VWF: variants seen among roughly 807,000 people sequenced by gnomAD.
VWF encodes von Willebrand factor, also known as Factor VIII related antigen.
VWF carries 176 observed loss-of-function variants against 308.6 expected under a neutral mutation model. The observed-to-expected ratio is 0.57, with a 90% CI of 0.50 to 0.65. The LOEUF (loss-of-function observed/expected upper bound fraction) is 0.65. Ranked by LOEUF, VWF falls within the 30% of genes least tolerant of loss-of-function variation. The pLI, the probability that VWF is intolerant of heterozygous loss-of-function variation, is 0.00. For missense variants in VWF, 3,146 were observed against 3,648.2 expected, an observed-to-expected ratio of 0.86 and a Z score of 3.55; for synonymous variants, 1,385 against 1,443.4, an observed-to-expected ratio of 0.96 and a Z score of 0.92.
chr12:6,022,025 C>T lies in VWF; in HGVS notation c.3549G>A (p.Leu1183=), dbSNP rs144447692. The change falls in exon 27 of 52, where the codon CTG becomes CTA. Residue 1183 remains leucine (L), a synonymous_variant. Transcript: ENST00000261405. ...CAACGCAGGTCTGCAAAAGCTCATCCAGGATTTTCCCTGCAAAAGAAAGCT... is the reference window on the plus strand; with the variant it reads ...CAACGCAGGTCTGCAAAAGCTCATCTAGGATTTTCCCTGCAAAAGAAAGCT... ...CHAHCPPGKI[L]DELLQTCVDP... The T allele has an allele frequency of 6.2e-7, 1 of 1,614,164 alleles. No homozygotes were observed. The highest frequency in any genetic ancestry group is 1.7e-5 in the Admixed American group (1 of 60,026).
intron 47 of VWF, among the ~76,000 whole-genome samples, chr12:5,964,629 G>C (rs1943378076): frequency 6.6e-6 from 1 of 152,068 alleles, no homozygotes; most frequent in Non-Finnish European, 1.5e-5. Context: ...CCAAGGTCAA[G>C]GTTAGGAGTC....
intron 8 of VWF, 27 bp from the exon 9 acceptor site, chr12:6,072,469 G>C (rs55907031): frequency 6.4e-6 from 10 of 1,571,194 alleles, no homozygotes; most frequent in South Asian, 2.2e-5. Flanking sequence ...CAAGACAAAG[G>C]CCTCAACATT....
chr12:5,981,013 C>T (rs1046516727), intron 42 of VWF, among the ~76,000 whole-genome samples: 1 of 152,180 alleles, frequency 6.6e-6, no homozygotes, highest in African/African-American at 2.4e-5. Context: ...CTGTACCATT[C>T]GTTGACACTT....
intron 51 of VWF, 143 bp from the exon 52 acceptor site, chr12:5,949,346 G>T: frequency 1.3e-6 from 1 of 792,030 alleles, no homozygotes; most frequent in Non-Finnish European, 2.1e-6. Flanking sequence ...AGGACAGCTA[G>T]GCAATTTGTA....
intron 34 of VWF, among the ~76,000 whole-genome samples, chr12:6,007,845 C>T (rs1943946745): frequency 6.6e-6 from 1 of 151,962 alleles, no homozygotes; most frequent in African/African-American, 2.4e-5. Context: ...TAAATAAAAT[C>T]AGAAATAGAA....
At chr12:6,124,259 G>A (rs959764265) in intron 1 of VWF, among the ~76,000 whole-genome samples, 162 bp downstream of exon 1, 2 of 152,194 alleles carry the variant, frequency 1.3e-5, no homozygotes, top group African/African-American at 2.4e-5. Context: ...GAGGCAAGTG[G>A]AGGAGGGAGT....
intron 9 of VWF, 136 bp downstream of exon 9, chr12:6,072,195 A>G: frequency 1.3e-6 from 1 of 743,124 alleles, no homozygotes. Context: ...AGCCCCCACC[A>G]GTAGCCTCCA....
In VWF at chr12:5,957,143, C is replaced by T. The variant is rs145921602; in HGVS notation, c.7888-3549G>A. Among the ~76,000 whole-genome samples, 427 of 152,324 alleles carry T rather than the reference C, an allele frequency of 2.8e-3. 2 individuals carry two copies. Among genetic ancestry groups the T allele is most frequent in the Admixed American group, 5.0e-3 (76 of 15,298 alleles). On this transcript the variant is annotated intron_variant, in intron 47 of 51. Coordinates refer to ENST00000261405, the MANE Select transcript of VWF (RefSeq NM_000552.5). Reference sequence around the variant, plus strand: ...GTATTCAGCACAGTAACATGCCATACAGGTTTGTCACCTGGGAGTAACAGG... The same window carrying T: ...GTATTCAGCACAGTAACATGCCATATAGGTTTGTCACCTGGGAGTAACAGG...
At chr12:6,051,864 C>T (rs1198715198) in intron 16 of VWF, among the ~76,000 whole-genome samples, 1 of 152,140 alleles carries the variant, frequency 6.6e-6, no homozygotes, top group Non-Finnish European at 1.5e-5. Flanking sequence ...CTCCCACTTC[C>T]ACCTCCCAAA....
intron 43 of VWF, among the ~76,000 whole-genome samples, chr12:5,972,215 G>C (rs7305616): frequency 0.016 from 2,443 of 152,182 alleles, 73 homozygotes; most frequent in African/African-American, 0.056. Flanking sequence ...TAATTTATAG[G>C]GTACGGTGTT....
intron 6 of VWF, among the ~76,000 whole-genome samples, chr12:6,091,749 C>A (rs992819004): frequency 1.1e-4 from 17 of 152,152 alleles, no homozygotes; most frequent in African/African-American, 3.6e-4. Context: ...TAAGAACCTG[C>A]AAAGCCCAAC....
intron 13 of VWF, among the ~76,000 whole-genome samples, chr12:6,061,750 C>T (rs910000582): frequency 7.2e-5 from 11 of 152,194 alleles, no homozygotes; most frequent in African/African-American, 2.2e-4. Context: ...AAGGGGTCTG[C>T]GAGACCAAAA....
At chr12:6,044,231 C>T in intron 18 of VWF, 60 bp downstream of exon 18, 1 of 1,604,844 alleles carries the variant, frequency 6.2e-7, no homozygotes, top group Non-Finnish European at 8.5e-7. Context: ...AGCCCCCTCA[C>T]TCATCCCTGC....
At position 6,013,639 on chromosome 12, in the gene VWF, G is replaced by A; in HGVS notation, c.5462C>T (p.Thr1821Ile). The A allele has an allele frequency of 4.3e-6, 7 of 1,613,008 alleles. No homozygotes were observed. The highest frequency in any genetic ancestry group is 5.9e-6 in the Non-Finnish European group (7 of 1,179,848). ...ATCTCCAATTCCAATAGGGAACACT[G>A]TCACTCCTAGAGTTAGCAAAGAGAC... ...AADAARSNRVTVFPIGIGDRY... is the reference protein window; with the variant it reads ...AADAARSNRVIVFPIGIGDRY... The change falls in exon 32 of 52, where the codon ACA (threonine) becomes ATA (isoleucine). Residue 1821 changes from threonine to isoleucine, a missense_variant. Thr to Ile is a moderately conservative substitution (Grantham distance 89). This residue lies in a region of VWF where 853 missense variants were observed against 1,177.8 expected (regional missense o/e 0.72). Coordinates refer to ENST00000261405, the MANE Select transcript of VWF (RefSeq NM_000552.5).
intron 6 of VWF, among the ~76,000 whole-genome samples, chr12:6,083,211 T>C (rs1944933402): frequency 7.6e-6 from 1 of 132,112 alleles, no homozygotes; most frequent in South Asian, 2.3e-4. Flanking sequence ...GAGATGGGGT[T>C]TTGCCATGTT....
In VWF at chr12:6,079,426, G is replaced by GC. The variant is rs1463270637; in HGVS notation, c.658-3876_658-3875insG. ...TCAAGACCATCCTGGCTAACACGGT[G>GC]AAACCCCATCTCTACTAAAAATACA... On this transcript the variant is annotated intron_variant, in intron 6 of 51. Transcript: ENST00000261405. 2.6e-5 allele frequency among the ~76,000 whole-genome samples: 4 copies of GC among 151,716 alleles called. No individual in the cohort carries two copies. In the East Asian group the frequency reaches 5.9e-4, roughly 22 times the overall value.
intron 47 of VWF, among the ~76,000 whole-genome samples, chr12:5,956,932 T>G (rs1006297856): frequency 1.3e-5 from 2 of 152,244 alleles, no homozygotes; most frequent in Admixed American, 1.3e-4. Flanking sequence ...TCCTAGGTCT[T>G]CGCATTGACC....
intron 3 of VWF, among the ~76,000 whole-genome samples, chr12:6,115,045 G>A (rs1945347988): frequency 6.6e-6 from 1 of 152,178 alleles, no homozygotes; most frequent in South Asian, 2.1e-4. Flanking sequence ...TTGGGGTTTT[G>A]TTTTCTTTTG....
At chr12:5,989,310 C>A (rs190627817) in intron 38 of VWF, among the ~76,000 whole-genome samples, 5 of 152,244 alleles carry the variant, frequency 3.3e-5, no homozygotes, top group African/African-American at 1.2e-4. Flanking sequence ...TAGTTTTATA[C>A]CCTAGTTTAT....
Sources: allele counts gnomAD v4.1 joint callset (sites outside exome capture counted in the v4.1 genomes callset), GRCh38; gene constraint gnomAD v4.1.1; regional missense constraint gnomAD v4.1.1; transcripts MANE v1.5; gene names NCBI Gene and HGNC (gene_info 2026-07-23, HGNC 2026-07-21).